FGFRL1: variants seen among roughly 807,000 people sequenced by gnomAD.
FGFRL1 encodes the protein fibroblast growth factor receptor-like 1.
FGFRL1 carries 24 observed loss-of-function variants against 36.8 expected under a neutral mutation model. The ratio of observed to expected loss-of-function variants is 0.65; its 90% confidence interval spans 0.47 to 0.92. The LOEUF (loss-of-function observed/expected upper bound fraction) is 0.92, where lower values mean the gene tolerates loss of function less well. Among genes scored for constraint, FGFRL1 ranks in the 40% least tolerant of loss-of-function variants. FGFRL1 has a pLI of 0.00. For synonymous variants in FGFRL1, 422 were observed against 344.1 expected (o/e 1.23, Z -2.50); for missense variants, 785 against 753.4 (o/e 1.04, Z -0.49).
intron 3 of FGFRL1, among the ~76,000 whole-genome samples, 196 bp downstream of exon 3, chr4:1,022,671 C>A (rs1488956915): frequency 3.3e-5 from 5 of 152,204 alleles, no homozygotes; most frequent in African/African-American, 1.2e-4. Flanking sequence ...CGTTCCTGTC[C>A]CCGTCAGGCT....
At chr4:1,011,285 G>C (rs1447981593), upstream of FGFRL1, 1 of 152,014 alleles carries the variant, frequency 6.6e-6, no homozygotes, top group Non-Finnish European at 1.5e-5. Flanking sequence ...ACCCGGGCGC[G>C]CGCGGGCGCA....
chr4:1,014,198 C>T (rs1038639524), intron 2 of FGFRL1, among the ~76,000 whole-genome samples: 1 of 152,080 alleles, frequency 6.6e-6, no homozygotes, highest in Non-Finnish European at 1.5e-5. Context: ...CGGCACATCG[C>T]TACACTCAGA....
At chr4:1,012,408 G>C in intron 1 of FGFRL1, 62 bp from the exon 2 acceptor site, 3 of 1,557,006 alleles carry the variant, frequency 1.9e-6, no homozygotes, top group Non-Finnish European at 2.6e-6. Flanking sequence ...CGCGGCCCGG[G>C]ACCGGGGAGG....
Position 1,025,474 on chromosome 4 carries a change from T to C in FGFRL1, c.*127T>C. ...GAGGAATGGCCAGCACCCCAGGCAG[T>C]CTGTGTGTGAGGCATAGCCCCTGGA... On this transcript the variant is annotated 3_prime_UTR_variant, in exon 7 of 7. Transcript: ENST00000510644. 2 of 1,191,628 alleles carry C rather than the reference T, an allele frequency of 1.7e-6. No individual in the cohort carries two copies. Among genetic ancestry groups the C allele is most frequent in the African/African-American group, 3.1e-5 (2 of 65,328 alleles). The allele number at this position is 1,191,628 out of a possible 1,614,324, so 73.8% of individuals were successfully genotyped here. A position where few individuals can be genotyped will look rare whatever the true frequency, so the allele number is the denominator to read the frequency against.
At chr4:1,020,351 G>A (rs115185523) in intron 2 of FGFRL1, among the ~76,000 whole-genome samples, 5,214 of 152,146 alleles carry the variant, frequency 0.034, 136 homozygotes, top group East Asian at 0.12. Context: ...CCGCCTCTCC[G>A]ACATGGAGAG....
rs1716443466 is a variant in FGFRL1 at position 1,025,176 on chromosome 4, G to A, written c.1344G>A (p.Glu448=). Residue 448 remains glutamate, a synonymous_variant, in exon 7 of 7, where the codon GAG becomes GAA. Coordinates refer to ENST00000510644, the MANE Select transcript of FGFRL1 (RefSeq NM_001004356.3). Reference sequence around the variant, plus strand: ...CTGGCCCTGGTGTGGGGCTGTGTGAGGAGCATGGGTCTCCGGCAGCCCCCC... The same window carrying A: ...CTGGCCCTGGTGTGGGGCTGTGTGAAGAGCATGGGTCTCCGGCAGCCCCCC... ...LSAGPGVGLC[E]EHGSPAAPQH... is the part of the protein sequence containing the mutation. 6.2e-7 allele frequency: 1 copy of A among 1,610,312 alleles called. No homozygotes were observed. Among genetic ancestry groups the A allele is most frequent in the East Asian group, 2.2e-5 (1 of 44,790 alleles).
upstream of FGFRL1, chr4:1,010,809 TCTC>T (rs1421757667): frequency 6.6e-6 from 1 of 152,204 alleles, no homozygotes; most frequent in Non-Finnish European, 1.5e-5. Context: ...GGCGCTGTCT[TCTC>T]CACGCCTCCG....
chr4:1,021,627 G>A (rs758203690), intron 2 of FGFRL1, among the ~76,000 whole-genome samples: 5 of 152,150 alleles, frequency 3.3e-5, no homozygotes, highest in Admixed American at 2.0e-4. Context: ...GCAGCCCGCC[G>A]TGCTCGGTTG....
At chr4:1,019,872 T>C (rs1185848323) in intron 2 of FGFRL1, among the ~76,000 whole-genome samples, 1 of 152,180 alleles carries the variant, frequency 6.6e-6, no homozygotes, top group East Asian at 1.9e-4. Flanking sequence ...GAGCCAGGGC[T>C]GAGAAGAATC....
At chr4:1,010,816 G>A (rs1715540967), upstream of FGFRL1, 1 of 152,250 alleles carries the variant, frequency 6.6e-6, no homozygotes, top group Non-Finnish European at 1.5e-5. Flanking sequence ...TCTTCTCCAC[G>A]CCTCCGTTTC....
intron 2 of FGFRL1, among the ~76,000 whole-genome samples, chr4:1,019,710 C>T (rs1322714705): frequency 2.0e-5 from 3 of 152,236 alleles, no homozygotes; most frequent in Admixed American, 1.3e-4. Flanking sequence ...ATTTCCTCTC[C>T]GGGGAGCTGC....
In FGFRL1 at chr4:1,025,000, A is replaced by C. The variant is rs778746987; in HGVS notation, c.1168A>C (p.Ile390Leu). The C allele has an allele frequency of 5.6e-6, 9 of 1,610,852 alleles. No homozygotes were observed. Among genetic ancestry groups the C allele is most frequent in the Non-Finnish European group, 6.8e-6 (8 of 1,179,686 alleles). ...CGGCATCCCAGCCGGCGCTGTCTTC[A>C]TCCTGGGCACCCTGCTCCTGTGGCT... is the stretch of plus-strand genomic sequence containing the variant. ...VIGIPAGAVF[I>L]LGTLLLWLCQ... Residue 390 changes from isoleucine (I) to leucine (L), a missense_variant, in exon 7 of 7, where the codon ATC (isoleucine) becomes CTC (leucine). Transcript: ENST00000510644.
At chr4:1,021,224 G>A (rs1400282707) in intron 2 of FGFRL1, among the ~76,000 whole-genome samples, 1 of 149,756 alleles carries the variant, frequency 6.7e-6, no homozygotes, top group Non-Finnish European at 1.5e-5. Flanking sequence ...CCAGGCAGGG[G>A]ATGGGGTGGG....
At chr4:1,021,380 C>T (rs1371678617) in intron 2 of FGFRL1, among the ~76,000 whole-genome samples, 1 of 152,018 alleles carries the variant, frequency 6.6e-6, no homozygotes, top group Non-Finnish European at 1.5e-5. Flanking sequence ...ATACTGGCTG[C>T]CCCCCAGACA....
intron 2 of FGFRL1, among the ~76,000 whole-genome samples, chr4:1,020,070 G>C (rs965587820): frequency 6.6e-6 from 1 of 152,228 alleles, no homozygotes; most frequent in Non-Finnish European, 1.5e-5. Context: ...TTCTCTGTGA[G>C]GGTCCCTGTC....
chr4:1,013,997 G>A (rs1715747825), intron 2 of FGFRL1, among the ~76,000 whole-genome samples: 1 of 152,264 alleles, frequency 6.6e-6, no homozygotes. Flanking sequence ...TGGTTTGGGT[G>A]GAGGTGGGGA....
chr4:1,014,781 G>A (rs1438672624), intron 2 of FGFRL1, among the ~76,000 whole-genome samples: 3 of 152,214 alleles, frequency 2.0e-5, no homozygotes, highest in Non-Finnish European at 4.4e-5. Flanking sequence ...GCTGGGCCCA[G>A]CCCCTGCAAG....
In FGFRL1 at chr4:1,024,645, C is replaced by T. The variant is rs1178777263; in HGVS notation, c.1053C>T (p.Ala351=). ...ANTMGYSFRS[A]FLTVLPDPKP... is the part of the protein sequence containing the mutation. ...CCATGGGCTACAGCTTCCGCAGCGC[C>T]TTCCTCACCGTGCTGCCAGGTGCGC... The change falls in exon 6 of 7, where the codon GCC becomes GCT. Residue 351 remains alanine (A), a synonymous_variant. Coordinates refer to ENST00000510644, the MANE Select transcript of FGFRL1 (RefSeq NM_001004356.3). 5.6e-6 allele frequency: 9 copies of T among 1,604,148 alleles called. No individual in the cohort carries two copies. Among genetic ancestry groups the T allele is most frequent in the Non-Finnish European group, 7.7e-6 (9 of 1,174,080 alleles).
upstream of FGFRL1, among the ~76,000 whole-genome samples, chr4:1,010,729 G>A (rs1257812738): frequency 6.6e-6 from 1 of 152,128 alleles, no homozygotes; most frequent in East Asian, 1.9e-4. Flanking sequence ...TGCGGCCTGG[G>A]AGCCCTGCGT....
Sources: gnomAD v4.1 joint callset for allele counts (sites outside exome capture counted in the v4.1 genomes callset) on GRCh38, gnomAD v4.1.1 for gene constraint, MANE v1.5 for transcripts, NCBI Gene and HGNC (gene_info 2026-07-23, HGNC 2026-07-21) for gene names.